NBEA: variants seen among roughly 807,000 people sequenced by gnomAD.
NBEA encodes lysosomal-trafficking regulator 2.
Under a neutral mutation model 343.4 loss-of-function variants are expected in NBEA, and 44 were observed. The ratio of observed to expected loss-of-function variants is 0.13; its 90% CI spans 0.10 to 0.16. The LOEUF is 0.16. NBEA is among the 10% of genes least tolerant of loss of function. NBEA has a pLI of 1.00. For missense variants in NBEA, 2,555 were observed against 3,631.3 expected, an observed-to-expected ratio of 0.70 and a Z score of 7.62; for synonymous variants, 1,175 against 1,238.7, an observed-to-expected ratio of 0.95 and a Z score of 1.08.
At chr13:35,082,840 T>A (rs2064496732) in intron 10 of NBEA, among the ~76,000 whole-genome samples, 1 of 152,198 alleles carries the variant, frequency 6.6e-6, no homozygotes. Context: ...ATGAGTAGAT[T>A]GCAAAAATTT....
In NBEA at chr13:35,157,074, C is replaced by T; in HGVS notation, c.2652-4C>T. ...TTAATGAGATCAAATTTTTTTCTCCCTAGATGCTTATTGCAGTGTTCAGTG... is the reference window on the plus strand; with the variant it reads ...TTAATGAGATCAAATTTTTTTCTCCTTAGATGCTTATTGCAGTGTTCAGTG... On this transcript the variant is annotated splice_polypyrimidine_tract_variant and splice_region_variant and intron_variant, in intron 20 of 58. Transcript: ENST00000379939. The T allele has an allele frequency of 1.3e-6, 2 of 1,532,252 alleles. No individual in the cohort carries two copies. The highest frequency in any genetic ancestry group is 1.8e-6 in the Non-Finnish European group (2 of 1,141,482). The allele number at this position is 1,532,252 out of a possible 1,614,324, so 94.9% of individuals were successfully genotyped here. A position where few individuals can be genotyped will look rare whatever the true frequency, so the allele number is the denominator to read the frequency against.
intron 33 of NBEA, among the ~76,000 whole-genome samples, chr13:35,213,265 T>C (rs2073887387): frequency 6.6e-6 from 1 of 152,060 alleles, no homozygotes; most frequent in Admixed American, 6.6e-5. Context: ...ACAAATTAGT[T>C]TTTCATATAC....
intron 45 of NBEA, 129 bp from the exon 46 acceptor site, chr13:35,583,769 A>G: frequency 1.5e-6 from 1 of 668,766 alleles, no homozygotes; most frequent in East Asian, 2.8e-5. Context: ...TAAAAATGTA[A>G]TACAAAATAA....
intron 40 of NBEA, among the ~76,000 whole-genome samples, chr13:35,456,474 T>C (rs926849598): frequency 2.0e-5 from 3 of 152,080 alleles, no homozygotes; most frequent in Non-Finnish European, 4.4e-5. Context: ...AGTGAATTAG[T>C]ACCTAAATCC....
intron 40 of NBEA, 74 bp downstream of exon 40, chr13:35,452,309 A>G (rs1281091907): frequency 8.7e-7 from 1 of 1,146,908 alleles, no homozygotes; most frequent in Non-Finnish European, 1.3e-6. Context: ...TCTGTCTCCT[A>G]GTAAATAAAT....
chr13:35,364,819 C>T (rs1018796208), intron 38 of NBEA, among the ~76,000 whole-genome samples: 2 of 151,732 alleles, frequency 1.3e-5, no homozygotes, highest in African/African-American at 4.8e-5. Context: ...ATGGTATTGC[C>T]TGATTTAACA....
In NBEA at chr13:35,566,982, C is replaced by G. The variant is rs774027309; in HGVS notation, c.7000C>G (p.Leu2334Val). 6.2e-7 allele frequency: 1 copy of G among 1,611,824 alleles called. No homozygotes were observed. The highest frequency in any genetic ancestry group is 8.5e-7 in the Non-Finnish European group (1 of 1,178,234). ...LTNYESEELD[L>V]TLPGNFRDLS... is the part of the protein sequence containing the mutation. ...CAACTATGAATCAGAAGAGTTGGAC[C>G]TGACTCTTCCAGGAAACTTCAGGGA... is the stretch of plus-strand genomic sequence containing the variant. The change falls in exon 45 of 59, where the codon CTG (leucine) becomes GTG (valine). Residue 2334 changes from leucine (L) to valine (V), a missense_variant. Transcript: ENST00000379939.
At chr13:35,473,615 T>C (rs2075744789) in intron 41 of NBEA, among the ~76,000 whole-genome samples, 1 of 152,222 alleles carries the variant, frequency 6.6e-6, no homozygotes, top group African/African-American at 2.4e-5. Flanking sequence ...TAGCTGCAAA[T>C]GTAGTTTTTA....
intron 51 of NBEA, among the ~76,000 whole-genome samples, chr13:35,647,194 A>G (rs889320885): frequency 6.6e-6 from 1 of 152,222 alleles, no homozygotes; most frequent in Non-Finnish European, 1.5e-5. Flanking sequence ...TAATTTGAAG[A>G]AGGTAAAATT....
intron 7 of NBEA, among the ~76,000 whole-genome samples, chr13:35,057,890 A>AT (rs1458480761): frequency 2.0e-5 from 3 of 151,802 alleles, no homozygotes; most frequent in Non-Finnish European, 4.4e-5. Flanking sequence ...AATGACGACA[A>AT]TTTTTTTTGC....
At chr13:35,541,969 A>G (rs1031821279) in intron 41 of NBEA, among the ~76,000 whole-genome samples, 5 of 152,172 alleles carry the variant, frequency 3.3e-5, no homozygotes, top group African/African-American at 1.2e-4. Context: ...CAAAACATCA[A>G]AAATCAATGA....
intron 17 of NBEA, among the ~76,000 whole-genome samples, chr13:35,131,332 C>T (rs1306733718): frequency 3.3e-5 from 5 of 151,996 alleles, no homozygotes; most frequent in African/African-American, 1.2e-4. Flanking sequence ...GAACATGAGT[C>T]TATCAGTTAC....
intron 1 of NBEA, among the ~76,000 whole-genome samples, chr13:35,026,369 T>C (rs753196511): frequency 2.6e-5 from 4 of 152,184 alleles, no homozygotes; most frequent in Non-Finnish European, 5.9e-5. Flanking sequence ...ACTGTATTTC[T>C]CTGCTTTCTG....
rs1173026250 is a variant in NBEA at position 35,125,845 on chromosome 13, C to CATAT, written c.2336+2274_2336+2275insTATA. Among the ~76,000 whole-genome samples, 5 of 151,884 alleles carry CATAT rather than the reference C, an allele frequency of 3.3e-5. No homozygotes were observed. In the East Asian group the frequency reaches 9.6e-4, roughly 29 times the overall value. ...AAATGCATACATACATACATACATA[C>CATAT]ATACATACATACATAGCTTCTGAGA... is the stretch of plus-strand genomic sequence containing the variant. On this transcript the variant is annotated intron_variant, in intron 17 of 58. Transcript: ENST00000379939.
intron 2 of NBEA, among the ~76,000 whole-genome samples, chr13:35,041,751 CAAT>C (rs749657486): frequency 6.6e-6 from 1 of 151,996 alleles, no homozygotes; most frequent in East Asian, 1.9e-4. Context: ...TGATTTCAAA[CAAT>C]AACTTTGAAA....
intron 10 of NBEA, among the ~76,000 whole-genome samples, chr13:35,084,449 C>T (rs2064615630): frequency 6.6e-6 from 1 of 152,174 alleles, no homozygotes; most frequent in Non-Finnish European, 1.5e-5. Flanking sequence ...CGCTCAACTA[C>T]ATGGAAACTG....
At chr13:35,151,842 T>G (rs761176520) in intron 18 of NBEA, among the ~76,000 whole-genome samples, 3 of 152,136 alleles carry the variant, frequency 2.0e-5, no homozygotes, top group Non-Finnish European at 4.4e-5. Context: ...ATTTGTATCT[T>G]TAGTTTTGCT....
chr13:35,562,521 A>T (rs1282913690), intron 44 of NBEA, among the ~76,000 whole-genome samples: 1 of 152,026 alleles, frequency 6.6e-6, no homozygotes, highest in African/African-American at 2.4e-5. Context: ...TGATCAGCTA[A>T]TGAATTCAGC....
At chr13:34,974,935 A>G (rs2060115267) in intron 1 of NBEA, among the ~76,000 whole-genome samples, 1 of 152,174 alleles carries the variant, frequency 6.6e-6, no homozygotes, top group South Asian at 2.1e-4. Flanking sequence ...TGTCAGGAGA[A>G]AAAATAGAAC....
Sources: allele counts gnomAD v4.1 joint callset (sites outside exome capture counted in the v4.1 genomes callset), GRCh38; gene constraint gnomAD v4.1.1; transcripts MANE v1.5; gene names NCBI Gene and HGNC (gene_info 2026-07-23, HGNC 2026-07-21).